ABCD3: variants seen among roughly 807,000 people sequenced by gnomAD.
ABCD3 encodes the protein ATP binding cassette subfamily D member 3, also known as ATP-binding cassette sub-family D member 3.
ABCD3 carries 41 observed loss-of-function variants against 105.5 expected under a neutral mutation model. The observed-to-expected ratio is 0.39, with a 90% CI of 0.30 to 0.50. The LOEUF (loss-of-function observed/expected upper bound fraction) is 0.50. ABCD3 is among the 20% of genes least tolerant of loss of function. The pLI, the probability that ABCD3 is intolerant of heterozygous loss-of-function variation, is 0.84. For synonymous variants in ABCD3, 258 were observed against 269.0 expected, an observed-to-expected ratio of 0.96 and a Z score of 0.40; for missense variants, 622 against 806.3, an observed-to-expected ratio of 0.77 and a Z score of 2.77.
rs534406313 is a variant in ABCD3, at chr1:94,473,742, T to C, written c.336-24T>C. The C allele has an allele frequency of 3.8e-6, 6 of 1,594,084 alleles. No homozygotes were observed. The East Asian group carries it at 6.7e-5, about 18-fold the overall frequency. Reference sequence around the variant, plus strand: ...TAGATTTTGCTTCTTTTGCAACTAATGCATTGCATGTGGTGGTTTGCAGTG... The same window carrying C: ...TAGATTTTGCTTCTTTTGCAACTAACGCATTGCATGTGGTGGTTTGCAGTG... On this transcript the variant is annotated intron_variant, in intron 4 of 22. Transcript: ENST00000370214.
Position 94,499,591 on chromosome 1 carries a change from G to A in ABCD3, c.1717G>A (p.Gly573Ser). The change falls in exon 20 of 23, where the codon GGT becomes AGT. Residue 573 changes from glycine (G) to serine (S), a missense_variant. Coordinates refer to ENST00000370214, the MANE Select transcript of ABCD3 (RefSeq NM_002858.4). Reference sequence around the variant, plus strand: ...TCAGGATTGGATGGACGTACTCAGTGGTGGAGAAAAGCAAAGAATGGCGGT... The same window carrying A: ...TCAGGATTGGATGGACGTACTCAGTAGTGGAGAAAAGCAAAGAATGGCGGT... The part of the protein sequence containing the change: ...SVQDWMDVLS[G>S]GEKQRMAMAR... 6.2e-7 allele frequency: 1 copy of A among 1,613,726 alleles called. No individual in the cohort carries two copies. The highest frequency in any genetic ancestry group is 2.2e-5 in the East Asian group (1 of 44,804).
At chr1:94,435,448 C>G (rs542842328) in intron 1 of ABCD3, among the ~76,000 whole-genome samples, 15 of 152,274 alleles carry the variant, frequency 9.9e-5, no homozygotes, top group African/African-American at 3.6e-4. Flanking sequence ...GGGAGGATCA[C>G]TTCAGCCTAG....
chr1:94,409,578 C>T, the ABCD3 span, among the ~76,000 whole-genome samples: 164 of 152,230 alleles, frequency 1.1e-3, no homozygotes, highest in Middle Eastern at 3.4e-3. Context: ...ACCGTTATAT[C>T]GGTGAAACTT....
upstream of ABCD3, among the ~76,000 whole-genome samples, chr1:94,416,688 A>G (rs1659031248): frequency 6.6e-6 from 1 of 152,224 alleles, no homozygotes; most frequent in Admixed American, 6.5e-5. Flanking sequence ...CAGAACCTCT[A>G]TCCCCTAAAG....
intron 1 of ABCD3, among the ~76,000 whole-genome samples, chr1:94,455,325 A>ATT (rs142959399): frequency 8.3e-5 from 12 of 143,906 alleles, no homozygotes; most frequent in African/African-American, 1.3e-4. Context: ...TTATAAATGA[A>ATT]TTTTTTTTTT....
At chr1:94,478,415 CAA>C in intron 8 of ABCD3, 100 bp downstream of exon 8, 1 of 1,161,844 alleles carries the variant, frequency 8.6e-7, no homozygotes, top group Non-Finnish European at 1.3e-6. Context: ...TTGTAGATCT[CAA>C]AGAATGTATT....
chr1:94,421,524 A>G (rs905937094), intron 1 of ABCD3, among the ~76,000 whole-genome samples: 1 of 151,450 alleles, frequency 6.6e-6, no homozygotes, highest in Non-Finnish European at 1.5e-5. Context: ...GGAAGTGTCT[A>G]TTTCAGAATG....
intron 1 of ABCD3, among the ~76,000 whole-genome samples, chr1:94,444,341 A>G (rs1181857051): frequency 1.3e-5 from 2 of 151,338 alleles, no homozygotes; most frequent in African/African-American, 4.9e-5. Flanking sequence ...CAAAAAAAAA[A>G]AAAAAAAAAA....
upstream of ABCD3, among the ~76,000 whole-genome samples, chr1:94,414,259 C>T (rs1258197218): frequency 1.3e-5 from 2 of 152,158 alleles, no homozygotes; most frequent in Non-Finnish European, 2.9e-5. Context: ...GCATGTACCA[C>T]TTCTGTGTCT....
the ABCD3 span, among the ~76,000 whole-genome samples, chr1:94,390,879 T>C: frequency 6.6e-6 from 1 of 152,282 alleles, no homozygotes; most frequent in Non-Finnish European, 1.5e-5. Context: ...TGAGCTAAAA[T>C]TGCATCTATC....
the ABCD3 span, among the ~76,000 whole-genome samples, chr1:94,407,417 T>G: frequency 6.6e-6 from 1 of 152,190 alleles, no homozygotes; most frequent in Non-Finnish European, 1.5e-5. Flanking sequence ...CCCAAAGCGC[T>G]GGGATTACCA....
At chr1:94,491,913 A>G (rs987162015) in intron 16 of ABCD3, among the ~76,000 whole-genome samples, 3 of 152,122 alleles carry the variant, frequency 2.0e-5, no homozygotes, top group African/African-American at 7.2e-5. Flanking sequence ...AGAAATCTTC[A>G]TAATTAGTAA....
chr1:94,415,058 T>A (rs963479441), upstream of ABCD3, among the ~76,000 whole-genome samples: 1 of 152,118 alleles, frequency 6.6e-6, no homozygotes, highest in Non-Finnish European at 1.5e-5. Context: ...TCAGTTCCTC[T>A]CCAGGGCACT....
At chr1:94,501,822 G>C (rs1650111068) in intron 20 of ABCD3, among the ~76,000 whole-genome samples, 1 of 151,816 alleles carries the variant, frequency 6.6e-6, no homozygotes, top group Non-Finnish European at 1.5e-5. Context: ...CCCTTTACCA[G>C]AGATACCACT....
At chr1:94,497,173 T>C (rs1361897639) in intron 16 of ABCD3, among the ~76,000 whole-genome samples, 1 of 152,190 alleles carries the variant, frequency 6.6e-6, no homozygotes, top group Non-Finnish European at 1.5e-5. Context: ...CCAAAGTACT[T>C]ATTTTCTAAT....
At chr1:94,487,064 A>G (rs1268481153) in intron 10 of ABCD3, among the ~76,000 whole-genome samples, 2 of 152,148 alleles carry the variant, frequency 1.3e-5, no homozygotes, top group African/African-American at 2.4e-5. Flanking sequence ...TTACATTAGC[A>G]CTCAGTTCAG....
At chr1:94,509,665 C>A (rs999719099) in intron 21 of ABCD3, among the ~76,000 whole-genome samples, 8 of 152,188 alleles carry the variant, frequency 5.3e-5, no homozygotes, top group African/African-American at 1.9e-4. Flanking sequence ...ACAATTTCAG[C>A]TCCTGTTATT....
intron 1 of ABCD3, among the ~76,000 whole-genome samples, chr1:94,447,569 C>T (rs1459989235): frequency 6.6e-6 from 1 of 152,174 alleles, no homozygotes; most frequent in East Asian, 1.9e-4. Flanking sequence ...CAATAATTTG[C>T]CAGACTTATG....
chr1:94,492,643 C>T (rs1649588743), intron 16 of ABCD3, among the ~76,000 whole-genome samples: 1 of 152,170 alleles, frequency 6.6e-6, no homozygotes, highest in South Asian at 2.1e-4. Context: ...GCTTGATTTC[C>T]AGTAGCCCCT....
Sources: gnomAD v4.1 joint callset for allele counts (sites outside exome capture counted in the v4.1 genomes callset) on GRCh38, gnomAD v4.1.1 for gene constraint, MANE v1.5 for transcripts, NCBI Gene and HGNC (gene_info 2026-07-23, HGNC 2026-07-21) for gene names.